Variants in NTM observed in about 807,000 individuals in gnomAD.
NTM encodes the protein neurotrimin.
Under a neutral mutation model 42.1 loss-of-function variants are expected in NTM, and 13 were observed. The ratio of observed to expected loss-of-function variants is 0.31; its 90% confidence interval spans 0.20 to 0.49. NTM has a LOEUF of 0.49. Among genes scored for constraint, NTM ranks in the 20% least tolerant of loss-of-function variants. The pLI is 0.99. For missense variants in NTM, 373 were observed against 452.8 expected, an observed-to-expected ratio of 0.82 and a Z score of 1.60; for synonymous variants, 187 against 179.2, an observed-to-expected ratio of 1.04 and a Z score of -0.35.
At chr11:132,071,272 TCACAGG>T in intron 2 of NTM, among the ~76,000 whole-genome samples, 1 of 114,636 alleles carries the variant, frequency 8.7e-6, no homozygotes, top group African/African-American at 3.9e-5. Flanking sequence ...ACACTGACCA[TCACAGG>T]TTAGTTAACA....
chr11:131,498,879 C>T (rs1041785927), intron 1 of NTM, among the ~76,000 whole-genome samples: 8 of 152,182 alleles, frequency 5.3e-5, no homozygotes, highest in East Asian at 3.9e-4. Context: ...GCTCATGCCA[C>T]GGGGACTTCT....
rs140578756 is a variant in NTM, at chr11:131,617,768, TC to T, written c.82+246884del. 6.7e-3 allele frequency among the ~76,000 whole-genome samples: 1,026 copies of T among 152,300 alleles called. 14 individuals are homozygous for T. Among genetic ancestry groups the T allele is most frequent in the African/African-American group, 0.024 (977 of 41,558 alleles). ...AAAGGATTGTTGAAACTCAGTTCTT[TC>T]CCCTGGGGTTTTTGTTTTTGAGGCT... On this transcript the variant is annotated intron_variant, in intron 1 of 8. Transcript: ENST00000683400.
chr11:131,902,541 C>T (rs569941617), intron 1 of NTM, among the ~76,000 whole-genome samples: 2 of 152,328 alleles, frequency 1.3e-5, no homozygotes, highest in South Asian at 4.1e-4. Context: ...TCTGTGCAGC[C>T]TTGATGCATT....
At chr11:132,234,672 A>G (rs915887695) in intron 4 of NTM, among the ~76,000 whole-genome samples, 2 of 152,228 alleles carry the variant, frequency 1.3e-5, no homozygotes, top group Non-Finnish European at 1.5e-5. Context: ...AATGATTTCA[A>G]CAAGAAGAGA....
At chr11:132,241,030 T>C (rs930332360) in intron 4 of NTM, among the ~76,000 whole-genome samples, 5 of 152,216 alleles carry the variant, frequency 3.3e-5, no homozygotes, top group South Asian at 2.1e-4. Context: ...ACAAAAAATA[T>C]TTAAAATACT....
chr11:132,169,254 C>G (rs12289637), intron 3 of NTM, among the ~76,000 whole-genome samples: 1 of 142,314 alleles, frequency 7.0e-6, no homozygotes, highest in Non-Finnish European at 1.5e-5. Flanking sequence ...GAAAGTCTTT[C>G]TGAGAGAGGC....
chr11:131,517,628 G>A (rs1213038969), intron 1 of NTM, among the ~76,000 whole-genome samples: 2 of 152,094 alleles, frequency 1.3e-5, no homozygotes, highest in Non-Finnish European at 2.9e-5. Flanking sequence ...GATAAGTGTG[G>A]AATCCAGACT....
chr11:131,432,250 C>G (rs1948714324), intron 1 of NTM, among the ~76,000 whole-genome samples: 2 of 152,120 alleles, frequency 1.3e-5, no homozygotes, highest in Non-Finnish European at 1.5e-5. Context: ...GTTCTTTATT[C>G]CCCGCCAGTC....
chr11:132,257,192 G>A (rs1400825985), intron 4 of NTM, among the ~76,000 whole-genome samples: 1 of 152,242 alleles, frequency 6.6e-6, no homozygotes, highest in African/African-American at 2.4e-5. Context: ...AAGGGGCCAT[G>A]AGAAATGAAT....
intron 1 of NTM, among the ~76,000 whole-genome samples, chr11:131,753,918 G>A (rs1420851898): frequency 5.3e-5 from 8 of 149,842 alleles, no homozygotes; most frequent in Admixed American, 2.7e-4. Flanking sequence ...AAAAGAAAAT[G>A]TGGCACATAT....
chr11:131,493,109 T>A (rs1226545745), intron 1 of NTM, among the ~76,000 whole-genome samples: 1 of 152,012 alleles, frequency 6.6e-6, no homozygotes, highest in African/African-American at 2.4e-5. Flanking sequence ...ATGTCTGTAG[T>A]CCCTAGGCTG....
intron 2 of NTM, among the ~76,000 whole-genome samples, chr11:132,135,734 G>C (rs931448950): frequency 6.6e-6 from 1 of 152,218 alleles, no homozygotes; most frequent in Non-Finnish European, 1.5e-5. Flanking sequence ...AGAACCCAGG[G>C]AGCACACAGA....
At chr11:131,412,451 G>C (rs1010137658) in intron 1 of NTM, among the ~76,000 whole-genome samples, 23 of 152,164 alleles carry the variant, frequency 1.5e-4, no homozygotes, top group African/African-American at 3.6e-4. Context: ...CCAAAGCATA[G>C]ATTTGTGACT....
At chr11:131,876,370 C>G (rs1003265788) in intron 1 of NTM, among the ~76,000 whole-genome samples, 1 of 152,200 alleles carries the variant, frequency 6.6e-6, no homozygotes, top group Non-Finnish European at 1.5e-5. Context: ...GGGTCTCCTC[C>G]ACTCATCTCC....
intron 2 of NTM, among the ~76,000 whole-genome samples, chr11:131,914,908 A>G (rs1376002622): frequency 6.6e-6 from 1 of 152,188 alleles, no homozygotes; most frequent in East Asian, 1.9e-4. Context: ...TAACAGCCCT[A>G]TGGTGTAGGA....
At chr11:132,326,195 G>A (rs1306373236) in intron 7 of NTM, among the ~76,000 whole-genome samples, 2 of 151,978 alleles carry the variant, frequency 1.3e-5, no homozygotes, top group African/African-American at 4.8e-5. Context: ...TAAAAAAAGT[G>A]GCTAACATAC....
chr11:132,169,142 G>A (rs1172008565), intron 3 of NTM, among the ~76,000 whole-genome samples: 1 of 151,670 alleles, frequency 6.6e-6, no homozygotes, highest in East Asian at 1.9e-4. Context: ...TGGGCCTCTG[G>A]TTCATTCTTG....
intron 1 of NTM, chr11:131,774,036 G>C: frequency 1.0e-6 from 1 of 983,550 alleles, no homozygotes. Flanking sequence ...CAATAGCCTT[G>C]GTGTCATTGA....
At chr11:131,892,676 C>G (rs1228095666) in intron 1 of NTM, among the ~76,000 whole-genome samples, 4 of 152,230 alleles carry the variant, frequency 2.6e-5, no homozygotes, top group Non-Finnish European at 5.9e-5. Context: ...GACGCTGCTG[C>G]CTCCAAGCTC....
Sources: allele counts gnomAD v4.1 joint callset (sites outside exome capture counted in the v4.1 genomes callset), GRCh38; gene constraint gnomAD v4.1.1; transcripts MANE v1.5; gene names NCBI Gene and HGNC (gene_info 2026-07-23, HGNC 2026-07-21).